The following TNFAIP8 variants were observed in gnomAD, a reference collection of about 807,000 sequenced individuals.
TNFAIP8 encodes tumor necrosis factor alpha-induced protein 8.
Under a neutral mutation model 13.3 loss-of-function variants are expected in TNFAIP8, and 7 were observed. The observed-to-expected ratio is 0.52, with a 90% CI of 0.30 to 0.99. The LOEUF is 0.99. TNFAIP8 is among the 50% of genes least tolerant of loss of function. The pLI is 0.07. For synonymous variants in TNFAIP8, 94 were observed against 87.6 expected, an observed-to-expected ratio of 1.07 and a Z score of -0.41; for missense variants, 258 against 236.9, an observed-to-expected ratio of 1.09 and a Z score of -0.58.
intron 1 of TNFAIP8, among the ~76,000 whole-genome samples, chr5:119,298,069 G>T (rs547780521): frequency 9.6e-4 from 146 of 152,272 alleles, no homozygotes; most frequent in African/African-American, 3.4e-3. Context: ...CAATTTGCCA[G>T]TCTGTGTCTT....
chr5:119,379,692 G>A (rs1182225399), intron 1 of TNFAIP8, among the ~76,000 whole-genome samples: 3 of 152,162 alleles, frequency 2.0e-5, no homozygotes, highest in Non-Finnish European at 4.4e-5. Context: ...CCAGGCTTGA[G>A]CAATCCTCCC....
At chr5:119,367,178 A>G (rs1751890956) in intron 1 of TNFAIP8, among the ~76,000 whole-genome samples, 1 of 152,210 alleles carries the variant, frequency 6.6e-6, no homozygotes, top group South Asian at 2.1e-4. Context: ...ACCCATTAAT[A>G]AAGTTTACAT....
intron 1 of TNFAIP8, among the ~76,000 whole-genome samples, chr5:119,317,287 A>T (rs947228284): frequency 2.0e-5 from 3 of 152,188 alleles, no homozygotes; most frequent in African/African-American, 7.2e-5. Context: ...AATAGAAATT[A>T]GCCAAAATAA....
intron 1 of TNFAIP8, among the ~76,000 whole-genome samples, chr5:119,283,197 T>A (rs1748686862): frequency 6.6e-6 from 1 of 152,268 alleles, no homozygotes; most frequent in South Asian, 2.1e-4. Context: ...CTCACCCTGT[T>A]AGGTCCTGGC....
chr5:119,351,233 T>C (rs1337352864), upstream of TNFAIP8, among the ~76,000 whole-genome samples: 1 of 152,058 alleles, frequency 6.6e-6, no homozygotes, highest in African/African-American at 2.4e-5. Flanking sequence ...CTCTATGTTG[T>C]CCAAGCTGGT....
At chr5:119,341,978 C>T (rs1750753187) in intron 1 of TNFAIP8, among the ~76,000 whole-genome samples, 1 of 143,220 alleles carries the variant, frequency 7.0e-6, no homozygotes, top group Admixed American at 6.7e-5. Flanking sequence ...ATTCTTCTCC[C>T]TACCCTTGTA....
intron 1 of TNFAIP8, among the ~76,000 whole-genome samples, chr5:119,347,894 C>G (rs1185836718): frequency 1.3e-5 from 2 of 152,192 alleles, no homozygotes; most frequent in African/African-American, 2.4e-5. Flanking sequence ...ATGTCAGAAA[C>G]TCAATGCCAA....
At chr5:119,317,635 C>T (rs1749938201) in intron 1 of TNFAIP8, among the ~76,000 whole-genome samples, 1 of 151,008 alleles carries the variant, frequency 6.6e-6, no homozygotes, top group Non-Finnish European at 1.5e-5. Context: ...GTCTCACTCT[C>T]TTGCCCAGGC....
In TNFAIP8 at chr5:119,393,297, G is replaced by A. The variant is rs1479024950; in HGVS notation, c.513G>A (p.Leu171=). The change falls in exon 2 of 2, where the codon TTG becomes TTA. Residue 171 remains leucine (L), a synonymous_variant. Coordinates refer to ENST00000504771, the MANE Select transcript of TNFAIP8 (RefSeq NM_014350.4). ...CAGATTGTGAATTTTTGGCTGCCTT[G>A]TATAATCCTTTTGGGAATTTTAAAC... The part of the protein sequence containing the change: ...HFSDCEFLAA[L]YNPFGNFKPH... 1.9e-6 allele frequency: 3 copies of A among 1,613,880 alleles called. No individual in the cohort carries two copies. The highest frequency in any genetic ancestry group is 2.7e-5 in the African/African-American group (2 of 74,916).
chr5:119,373,863 C>T (rs1478258272), intron 1 of TNFAIP8, among the ~76,000 whole-genome samples: 2 of 152,272 alleles, frequency 1.3e-5, no homozygotes, highest in Non-Finnish European at 2.9e-5. Context: ...GTGATCTCTG[C>T]CAGCTCACAG....
chr5:119,317,930 T>A (rs1241311341), intron 1 of TNFAIP8, among the ~76,000 whole-genome samples: 2 of 152,182 alleles, frequency 1.3e-5, no homozygotes, highest in Non-Finnish European at 2.9e-5. Flanking sequence ...GATCTTTATT[T>A]CCTTTGGACA....
At chr5:119,340,833 T>A (rs1201814235) in intron 1 of TNFAIP8, among the ~76,000 whole-genome samples, 1 of 152,294 alleles carries the variant, frequency 6.6e-6, no homozygotes, top group South Asian at 2.1e-4. Context: ...GTATTTTTAG[T>A]TGGATACCAC....
intron 1 of TNFAIP8, among the ~76,000 whole-genome samples, chr5:119,367,736 C>G (rs577904105): frequency 4.7e-4 from 72 of 152,252 alleles, no homozygotes; most frequent in African/African-American, 1.7e-3. Context: ...AGTTTCCAGG[C>G]TTAAAAATAA....
intron 1 of TNFAIP8, among the ~76,000 whole-genome samples, chr5:119,285,631 T>C (rs1411323063): frequency 2.6e-5 from 4 of 152,186 alleles, no homozygotes; most frequent in East Asian, 1.9e-4. Flanking sequence ...AAGGAAACTT[T>C]GCTAAATTAT....
intron 1 of TNFAIP8, among the ~76,000 whole-genome samples, chr5:119,286,125 C>A (rs1415242620): frequency 1.3e-5 from 2 of 152,156 alleles, no homozygotes; most frequent in African/African-American, 4.8e-5. Context: ...GGTTTTGAGG[C>A]ATTCTAGTAC....
intron 1 of TNFAIP8, among the ~76,000 whole-genome samples, chr5:119,340,377 T>C (rs1276989166): frequency 6.6e-6 from 1 of 152,168 alleles, no homozygotes; most frequent in Non-Finnish European, 1.5e-5. Context: ...AACATTGGGC[T>C]AGGCTGCAGA....
chr5:119,390,621 A>T (rs1280835521), intron 1 of TNFAIP8, among the ~76,000 whole-genome samples: 1 of 152,154 alleles, frequency 6.6e-6, no homozygotes, highest in Non-Finnish European at 1.5e-5. Flanking sequence ...CATGTTTCAG[A>T]AGTTTAAATT....
intron 1 of TNFAIP8, among the ~76,000 whole-genome samples, chr5:119,342,626 T>G (rs537814540): frequency 6.6e-6 from 1 of 152,350 alleles, no homozygotes; most frequent in Non-Finnish European, 1.5e-5. Flanking sequence ...CAACACCAGA[T>G]CATTCTGCAA....
chr5:119,350,392 G>A (rs140132453), intron 1 of TNFAIP8, among the ~76,000 whole-genome samples: 51 of 152,296 alleles, frequency 3.3e-4, no homozygotes, highest in Non-Finnish European at 5.4e-4. Context: ...CATTTTATAT[G>A]AGACTTGAGC....
Sources: allele counts gnomAD v4.1 joint callset (sites outside exome capture counted in the v4.1 genomes callset), GRCh38; gene constraint gnomAD v4.1.1; transcripts MANE v1.5; gene names NCBI Gene and HGNC (gene_info 2026-07-23, HGNC 2026-07-21).